TAF4: variants seen among roughly 807,000 people sequenced by gnomAD.
TAF4 encodes transcription initiation factor TFIID subunit 4.
TAF4 carries 9 observed loss-of-function variants against 90.3 expected under a neutral mutation model. That is an observed-to-expected ratio of 0.10 (90% confidence interval 0.06 to 0.17). The LOEUF is 0.17. TAF4 is among the 10% of genes least tolerant of loss of function. The pLI is 1.00. For missense variants in TAF4, 1,351 were observed against 1,370.7 expected, an observed-to-expected ratio of 0.99 and a Z score of 0.23; for synonymous variants, 818 against 638.9, an observed-to-expected ratio of 1.28 and a Z score of -4.23.
At chr20:62,039,393 G>GAA (rs1462006424) in intron 1 of TAF4, among the ~76,000 whole-genome samples, 1 of 152,270 alleles carries the variant, frequency 6.6e-6, no homozygotes, top group East Asian at 1.9e-4. Context: ...GGTAACCACA[G>GAA]AAAAAATGAG....
At chr20:62,039,600 C>G (rs1461236431) in intron 1 of TAF4, among the ~76,000 whole-genome samples, 1 of 152,186 alleles carries the variant, frequency 6.6e-6, no homozygotes, top group Admixed American at 6.5e-5. Context: ...AAATGATACA[C>G]TGGATTTATT....
Position 62,053,515 on chromosome 20 carries a change from G to C in TAF4, c.1360+10936C>G, listed in dbSNP as rs1279171300. Among the ~76,000 whole-genome samples, 4 of 152,334 alleles carry C rather than the reference G, an allele frequency of 2.6e-5. No homozygotes were observed. In the East Asian group the frequency reaches 5.8e-4, roughly 22 times the overall value. Reference sequence around the variant, plus strand: ...CACCTTGAGAAGGTACTCTGGAGAAGGGAGCCACGAGCGACGTTTATGCTG... The same window carrying C: ...CACCTTGAGAAGGTACTCTGGAGAACGGAGCCACGAGCGACGTTTATGCTG... On this transcript the variant is annotated intron_variant, in intron 1 of 14. Transcript: ENST00000252996.
chr20:61,998,369 A>T (rs2123121323), intron 12 of TAF4, among the ~76,000 whole-genome samples, 177 bp from the exon 13 acceptor site: 1 of 152,386 alleles, frequency 6.6e-6, no homozygotes, highest in Non-Finnish European at 1.5e-5. Context: ...CCATGAAAAA[A>T]GCCAGTAATC....
In TAF4 at chr20:62,065,212, C is replaced by A; in HGVS notation, c.599G>T (p.Gly200Val). Reference sequence around the variant, plus strand: ...GTGCGAGTTCAGCAGCGCGGCGCTCCCATTCAAAGTTTGCGCGGCGCCGGG... The same window carrying A: ...GTGCGAGTTCAGCAGCGCGGCGCTCACATTCAAAGTTTGCGCGGCGCCGGG... Reference protein sequence around the residue: ...AGPGAAQTLNGSAALLNSHHA... With the variant: ...AGPGAAQTLNVSAALLNSHHA... The change falls in exon 1 of 15, where the codon GGG becomes GTG. Residue 200 changes from glycine (G) to valine (V), a missense_variant. Around this residue, in one of 9 missense-constraint regions of TAF4, gnomAD observed 782 missense variants for 536.6 expected, o/e 1.46. Coordinates refer to ENST00000252996, the MANE Select transcript of TAF4 (RefSeq NM_003185.4). 1 of 1,162,650 alleles carries A rather than the reference C, an allele frequency of 8.6e-7. No homozygotes were observed. The highest frequency in any genetic ancestry group is 1.5e-5 in the South Asian group (1 of 65,814). 72.0% of individuals were successfully genotyped at this position (1,162,650 alleles called of 1,614,324 possible). A position where few individuals can be genotyped will look rare whatever the true frequency, so the allele number is the denominator to read the frequency against.
intron 1 of TAF4, among the ~76,000 whole-genome samples, chr20:62,024,689 C>T (rs1241636614): frequency 6.6e-6 from 1 of 152,082 alleles, no homozygotes; most frequent in African/African-American, 2.4e-5. Context: ...GCCAACATGG[C>T]GAAACCCCAT....
chr20:62,013,948 T>A (rs1299506609), intron 2 of TAF4, among the ~76,000 whole-genome samples: 13 of 139,078 alleles, frequency 9.3e-5, no homozygotes, highest in Admixed American at 7.1e-4. Context: ...TGTGTGTGTG[T>A]GTGAATCCGT....
chr20:61,994,106 GAA>G (rs11287984), intron 14 of TAF4, among the ~76,000 whole-genome samples: 19 of 147,576 alleles, frequency 1.3e-4, no homozygotes, highest in African/African-American at 1.7e-4. Flanking sequence ...AGAAATCCAG[GAA>G]AAAAAAAAAA....
intron 1 of TAF4, among the ~76,000 whole-genome samples, chr20:62,046,294 G>A (rs1354606967): frequency 6.6e-6 from 1 of 152,246 alleles, no homozygotes; most frequent in Non-Finnish European, 1.5e-5. Flanking sequence ...TTGGGCAAAT[G>A]TATACAGTTG....
In TAF4 at chr20:62,065,869, G is replaced by A. The variant is rs1261338611; in HGVS notation, c.-59C>T. ...CGGGCCGAGCGCGCCTGGGCGAGGA[G>A]GAGGTTCCGACTGGGGCGGGCGCTG... On this transcript the variant is annotated 5_prime_UTR_variant, in exon 1 of 15. Transcript: ENST00000252996. 1.0e-5 allele frequency: 12 copies of A among 1,166,538 alleles called. No homozygotes were observed. In the South Asian group the frequency reaches 1.1e-4, roughly 11 times the overall value. The allele number at this position is 1,166,538 out of a possible 1,614,324, so 72.3% of individuals were successfully genotyped here. A position where few individuals can be genotyped will look rare whatever the true frequency, so the allele number is the denominator to read the frequency against.
chr20:62,019,867 G>A (rs138403636), intron 1 of TAF4, among the ~76,000 whole-genome samples: 1 of 152,234 alleles, frequency 6.6e-6, no homozygotes, highest in African/African-American at 2.4e-5. Context: ...CAACCACACG[G>A]GCACCTGCAC....
intron 1 of TAF4, among the ~76,000 whole-genome samples, chr20:62,015,072 G>A (rs1415983083): frequency 6.6e-6 from 1 of 152,144 alleles, no homozygotes; most frequent in Admixed American, 6.5e-5. Context: ...CCTCCTGCCT[G>A]TGCCAGGGCC....
At chr20:62,017,117 G>C (rs899580435) in intron 1 of TAF4, among the ~76,000 whole-genome samples, 1 of 151,524 alleles carries the variant, frequency 6.6e-6, no homozygotes, top group Middle Eastern at 3.4e-3. Context: ...CTCCAGCCTG[G>C]ACCACAGAGT....
intron 1 of TAF4, among the ~76,000 whole-genome samples, chr20:62,054,741 C>T (rs1419735686): frequency 6.6e-6 from 1 of 152,084 alleles, no homozygotes; most frequent in South Asian, 2.1e-4. Flanking sequence ...TTGGAGGTGC[C>T]GGCACCTGCA....
At chr20:62,012,967 G>A (rs757625769) in intron 2 of TAF4, 33 bp from the exon 3 acceptor site, 14 of 1,609,664 alleles carry the variant, frequency 8.7e-6, no homozygotes, top group Middle Eastern at 1.7e-4. Flanking sequence ...TAAAACGAGC[G>A]CAAGTAAAAG....
chr20:61,993,711 G>A (rs1423735590), intron 14 of TAF4, among the ~76,000 whole-genome samples: 4 of 152,038 alleles, frequency 2.6e-5, no homozygotes, highest in African/African-American at 9.7e-5. Context: ...TAAAAGGGTG[G>A]GGGATCTCCC....
rs539781486 is a variant in TAF4, at chr20:62,006,977, C to G, written c.1975-219G>C. 4 of 493,964 alleles carry G rather than the reference C, an allele frequency of 8.1e-6. No individual in the cohort carries two copies. In the South Asian group the frequency reaches 4.1e-4, roughly 51 times the overall value. 30.6% of individuals were successfully genotyped at this position (493,964 alleles called of 1,614,324 possible). On this transcript the variant is annotated intron_variant, in intron 6 of 14. Transcript: ENST00000252996. The surrounding 1 kb of genome is among the most constrained non-coding windows in gnomAD (Gnocchi z 7.0). ...TGATAGCAAATGTCCAAAATGTGTT[C>G]AAGAAAACAAACAAAAAGAGACATA...
rs560842981 is a variant in TAF4, at chr20:62,054,503, A to G, written c.1360+9948T>C. Among the ~76,000 whole-genome samples the G allele has an allele frequency of 3.0e-4, 46 of 152,180 alleles. 1 individual carries two copies. The highest frequency in any genetic ancestry group is 5.0e-4 in the Non-Finnish European group (34 of 67,992). On this transcript the variant is annotated intron_variant, in intron 1 of 14. Coordinates refer to ENST00000252996, the MANE Select transcript of TAF4 (RefSeq NM_003185.4). ...CAGGAGAGACGCCAACCTTGCAACA[A>G]ATGCTACTCCACCACATAAGGCTCT...
intron 1 of TAF4, among the ~76,000 whole-genome samples, chr20:62,063,975 G>A (rs1171118636): frequency 6.6e-6 from 1 of 152,240 alleles, no homozygotes; most frequent in East Asian, 1.9e-4. Context: ...GGGCAGAAAG[G>A]CTAAGTGGGG....
chr20:62,007,748 C>A (rs561196977), intron 5 of TAF4, 112 bp from the exon 6 acceptor site: 6 of 1,033,976 alleles, frequency 5.8e-6, no homozygotes, highest in South Asian at 1.5e-5. Flanking sequence ...CCGAGTTTCA[C>A]TGGACAGAGG....
Sources: gnomAD v4.1 joint callset for allele counts (sites outside exome capture counted in the v4.1 genomes callset) on GRCh38, gnomAD v4.1.1 for gene constraint, gnomAD v4.1.1 regional missense constraint, Gnocchi (gnomAD v3.1) non-coding constraint, MANE v1.5 for transcripts, NCBI Gene and HGNC (gene_info 2026-07-23, HGNC 2026-07-21) for gene names.